Variants in HIVEP1 observed in about 807,000 individuals in gnomAD.
HIVEP1 encodes the protein zinc finger protein 40.
A neutral mutation model predicts 180.0 loss-of-function variants in HIVEP1; 36 were observed. That is an observed-to-expected ratio of 0.20 (90% CI 0.15 to 0.26). The LOEUF is 0.26. Ranked by LOEUF, HIVEP1 falls within the 10% of genes least tolerant of loss-of-function variation. The pLI is 1.00. For missense variants in HIVEP1, 3,143 were observed against 3,268.7 expected, an observed-to-expected ratio of 0.96 and a Z score of 0.94; for synonymous variants, 1,239 against 1,239.0, an observed-to-expected ratio of 1.00 and a Z score of 0.00.
At chr6:12,028,702 GCTTTATT>G (rs1768743342) in intron 2 of HIVEP1, among the ~76,000 whole-genome samples, 1 of 152,184 alleles carries the variant, frequency 6.6e-6, no homozygotes, top group South Asian at 2.1e-4. Context: ...TTGTTTTACA[GCTTTATT>G]AAGACATAAT....
At chr6:12,081,998 A>G (rs1772820108) in intron 2 of HIVEP1, among the ~76,000 whole-genome samples, 1 of 152,170 alleles carries the variant, frequency 6.6e-6, no homozygotes, top group Non-Finnish European at 1.5e-5. Context: ...TGATTTTGAC[A>G]TTGAAATGCT....
chr6:12,012,620 GGA>G lies in HIVEP1; in HGVS notation c.-104+56_-104+57del, dbSNP rs1491154384. 63 of 111,340 alleles carry G rather than the reference GGA, an allele frequency of 5.7e-4. 1 individual carries two copies. Among genetic ancestry groups the G allele is most frequent in the Non-Finnish European group, 8.2e-4 (42 of 51,342 alleles). 6.9% of individuals were successfully genotyped at this position (111,340 alleles called of 1,614,324 possible). ...CTGCAGCTGGGGAGGGCGGCGGGGC[GGA>G]GGGGGGGGGGGGCAGGAGCACATCC... On this transcript the variant is annotated intron_variant, in intron 1 of 8. Transcript: ENST00000379388.
chr6:12,208,377 C>A, the HIVEP1 span, among the ~76,000 whole-genome samples: 2 of 152,092 alleles, frequency 1.3e-5, no homozygotes, highest in Non-Finnish European at 2.9e-5. Flanking sequence ...TGCAGTTAAG[C>A]AATTCCCATA....
At chr6:12,150,910 A>G (rs1344159357) in intron 7 of HIVEP1, among the ~76,000 whole-genome samples, 1 of 152,164 alleles carries the variant, frequency 6.6e-6, no homozygotes, top group Non-Finnish European at 1.5e-5. Context: ...GCAAACTTCA[A>G]CAACAAAAGA....
chr6:12,147,477 G>A (rs1581783892), intron 7 of HIVEP1, among the ~76,000 whole-genome samples: 1 of 152,226 alleles, frequency 6.6e-6, no homozygotes, highest in Non-Finnish European at 1.5e-5. Flanking sequence ...AAGATTATAG[G>A]GCTTTTAATC....
chr6:12,172,739 C>T, the HIVEP1 span, among the ~76,000 whole-genome samples: 1 of 151,038 alleles, frequency 6.6e-6, no homozygotes, highest in Admixed American at 6.6e-5. Context: ...GATAATTGCT[C>T]AGGGTTGCAA....
chr6:12,142,576 A>G (rs945533950), intron 7 of HIVEP1, among the ~76,000 whole-genome samples: 2 of 152,206 alleles, frequency 1.3e-5, no homozygotes, highest in African/African-American at 4.8e-5. Context: ...AAACCCTTGA[A>G]AAAATCAATG....
intron 2 of HIVEP1, among the ~76,000 whole-genome samples, chr6:12,088,944 A>G (rs1773281988): frequency 6.6e-6 from 1 of 152,166 alleles, no homozygotes; most frequent in East Asian, 1.9e-4. Context: ...AAGTGTACTA[A>G]TTATTTGCAT....
chr6:12,068,451 A>T (rs1176706637), intron 2 of HIVEP1, among the ~76,000 whole-genome samples: 1 of 152,202 alleles, frequency 6.6e-6, no homozygotes, highest in East Asian at 1.9e-4. Flanking sequence ...AGGGTAAAGA[A>T]TCATGTTTTG....
intron 1 of HIVEP1, among the ~76,000 whole-genome samples, chr6:12,015,022 G>T (rs941067538): frequency 6.6e-6 from 1 of 152,222 alleles, no homozygotes; most frequent in Non-Finnish European, 1.5e-5. Flanking sequence ...CTCACAGGTC[G>T]TTAGCTACAG....
chr6:12,158,892 C>G (rs1442116660), intron 7 of HIVEP1, among the ~76,000 whole-genome samples: 1 of 152,176 alleles, frequency 6.6e-6, no homozygotes, highest in African/African-American at 2.4e-5. Flanking sequence ...TACTGCTTCT[C>G]TCCCCCATAT....
downstream of HIVEP1, among the ~76,000 whole-genome samples, chr6:12,165,871 A>C (rs1466286673): frequency 1.3e-5 from 2 of 152,136 alleles, no homozygotes; most frequent in African/African-American, 2.4e-5. Context: ...CACGTCTGTG[A>C]CTTTGCAAAG....
At chr6:12,020,890 C>CTTTTTTTTTT (rs70981658) in intron 2 of HIVEP1, among the ~76,000 whole-genome samples, 13 of 105,776 alleles carry the variant, frequency 1.2e-4, no homozygotes, top group South Asian at 6.2e-4. Flanking sequence ...TTCTTTCTTT[C>CTTTTTTTTTT]TTTTTTTTTT....
chr6:12,211,682 A>G, the HIVEP1 span, among the ~76,000 whole-genome samples: 1 of 152,108 alleles, frequency 6.6e-6, no homozygotes, highest in Non-Finnish European at 1.5e-5. Context: ...AGAGCAAAGA[A>G]GAAACTAACA....
the HIVEP1 span, among the ~76,000 whole-genome samples, chr6:12,211,411 AAAAGAAAAAG>A: frequency 8.3e-6 from 1 of 119,898 alleles, no homozygotes; most frequent in Non-Finnish European, 1.7e-5. Flanking sequence ...AAAAAAAAAA[AAAAGAAAAAG>A]AAAAAAGAGT....
intron 1 of HIVEP1, among the ~76,000 whole-genome samples, chr6:12,012,947 G>T (rs1767474313): frequency 6.6e-6 from 1 of 151,348 alleles, no homozygotes; most frequent in African/African-American, 2.4e-5. Context: ...TTTACTCCCG[G>T]CCACCTGGGT....
At chr6:12,158,231 C>G (rs990316764) in intron 7 of HIVEP1, among the ~76,000 whole-genome samples, 4 of 152,062 alleles carry the variant, frequency 2.6e-5, no homozygotes, top group Non-Finnish European at 4.4e-5. Context: ...TGTTTGTATC[C>G]TAGAAATGTG....
intron 2 of HIVEP1, among the ~76,000 whole-genome samples, chr6:12,042,632 G>A (rs1319703052): frequency 4.0e-5 from 6 of 151,668 alleles, no homozygotes; most frequent in South Asian, 2.1e-4. Context: ...AGTTGAATCC[G>A]TCAACATGTT....
intron 6 of HIVEP1, among the ~76,000 whole-genome samples, chr6:12,134,163 A>T (rs975624920): frequency 5.9e-5 from 9 of 152,238 alleles, no homozygotes; most frequent in African/African-American, 2.2e-4. Flanking sequence ...AGAGATCTGT[A>T]TAATGAACAC....
Sources: gnomAD v4.1 joint callset for allele counts (sites outside exome capture counted in the v4.1 genomes callset) on GRCh38, gnomAD v4.1.1 for gene constraint, MANE v1.5 for transcripts, NCBI Gene and HGNC (gene_info 2026-07-23, HGNC 2026-07-21) for gene names.